TMEM135: variants seen among roughly 807,000 people sequenced by gnomAD.
The protein encoded by TMEM135 is transmembrane protein 135, also known as peroxisomal membrane protein 52.
TMEM135 carries 30 observed loss-of-function variants against 60.3 expected under a neutral mutation model. The ratio of observed to expected loss-of-function variants is 0.50; its 90% CI spans 0.37 to 0.68. The LOEUF (loss-of-function observed/expected upper bound fraction) is 0.68, where lower values mean the gene tolerates loss of function less well. Among genes scored for constraint, TMEM135 ranks in the 30% least tolerant of loss-of-function variants. The pLI is 0.00. For missense variants in TMEM135, 468 were observed against 548.8 expected, an observed-to-expected ratio of 0.85 and a Z score of 1.47; for synonymous variants, 190 against 186.7, an observed-to-expected ratio of 1.02 and a Z score of -0.14.
At chr11:87,091,261 A>C in intron 3 of TMEM135, 101 bp from the exon 4 acceptor site, 1 of 1,101,180 alleles carries the variant, frequency 9.1e-7, no homozygotes, top group Non-Finnish European at 1.3e-6. Context: ...ACGTTTCTCA[A>C]TTTCTGAGAA....
At chr11:87,209,045 G>A (rs546367452) in intron 5 of TMEM135, among the ~76,000 whole-genome samples, 10 of 152,102 alleles carry the variant, frequency 6.6e-5, no homozygotes, top group African/African-American at 2.2e-4. Flanking sequence ...AGATCTGCAC[G>A]ATCTCCTAGA....
intron 1 of TMEM135, among the ~76,000 whole-genome samples, chr11:87,053,566 A>C (rs1419154239): frequency 1.3e-5 from 2 of 152,156 alleles, no homozygotes; most frequent in African/African-American, 2.4e-5. Context: ...TTTTGAAGAA[A>C]GTCTTTTTAA....
At chr11:87,181,989 G>A (rs1939527690) in intron 5 of TMEM135, among the ~76,000 whole-genome samples, 1 of 150,944 alleles carries the variant, frequency 6.6e-6, no homozygotes, top group African/African-American at 2.4e-5. Context: ...TTTTCATGGA[G>A]TGTATTTGAA....
chr11:87,191,316 C>T (rs1156402043), intron 5 of TMEM135, among the ~76,000 whole-genome samples: 1 of 152,048 alleles, frequency 6.6e-6, no homozygotes, highest in Non-Finnish European at 1.5e-5. Context: ...TCTCGGCTCA[C>T]TGCAAGCTCC....
chr11:87,293,902 G>A (rs1264915556), intron 6 of TMEM135, among the ~76,000 whole-genome samples: 2 of 152,176 alleles, frequency 1.3e-5, no homozygotes, highest in Admixed American at 1.3e-4. Flanking sequence ...AGGTCAAATG[G>A]TATTTCTGGT....
intron 6 of TMEM135, among the ~76,000 whole-genome samples, chr11:87,276,431 C>G (rs1256094646): frequency 1.3e-5 from 2 of 151,970 alleles, no homozygotes; most frequent in East Asian, 3.9e-4. Context: ...CATCAAAGCT[C>G]TGATCAGGTC....
At chr11:87,208,585 A>AT (rs939313958) in intron 5 of TMEM135, among the ~76,000 whole-genome samples, 3 of 152,228 alleles carry the variant, frequency 2.0e-5, no homozygotes, top group African/African-American at 7.2e-5. Flanking sequence ...CCTACAACTC[A>AT]TTGGCATTCC....
At chr11:87,099,027 G>A (rs1439147334) in intron 4 of TMEM135, among the ~76,000 whole-genome samples, 1 of 152,042 alleles carries the variant, frequency 6.6e-6, no homozygotes, top group Non-Finnish European at 1.5e-5. Flanking sequence ...TTGTTGTGCT[G>A]CTTTTCTTAT....
At chr11:87,124,250 A>G (rs1470373611) in intron 4 of TMEM135, among the ~76,000 whole-genome samples, 1 of 152,212 alleles carries the variant, frequency 6.6e-6, no homozygotes, top group Non-Finnish European at 1.5e-5. Flanking sequence ...GAAGTTCTAA[A>G]GAGTCGAGTC....
chr11:87,225,665 C>G (rs1349653429), intron 5 of TMEM135, among the ~76,000 whole-genome samples: 1 of 151,904 alleles, frequency 6.6e-6, no homozygotes, highest in Non-Finnish European at 1.5e-5. Flanking sequence ...GGGGATTACT[C>G]CTACTTTGGA....
rs1231749771 is a variant in TMEM135, at chr11:87,323,029, A to G, written c.*1696A>G. 3 of 454,356 alleles carry G rather than the reference A, an allele frequency of 6.6e-6. No individual in the cohort carries two copies. The highest frequency in any genetic ancestry group is 1.3e-5 in the Non-Finnish European group (3 of 226,700). The allele number at this position is 454,356 out of a possible 1,614,324, so 28.1% of individuals were successfully genotyped here. On this transcript the variant is annotated 3_prime_UTR_variant, in exon 15 of 15. Coordinates refer to ENST00000305494, the MANE Select transcript of TMEM135 (RefSeq NM_022918.4). Reference sequence around the variant, plus strand: ...GAAGTACTAAAGCCCTGAGAACTGCACCTCATTTTCTTTATCCAGAAATTG... The same window carrying G: ...GAAGTACTAAAGCCCTGAGAACTGCGCCTCATTTTCTTTATCCAGAAATTG...
intron 5 of TMEM135, among the ~76,000 whole-genome samples, chr11:87,220,195 A>G (rs76810357): frequency 6.6e-6 from 1 of 152,346 alleles, no homozygotes; most frequent in East Asian, 1.9e-4. Context: ...ACACTGAGAT[A>G]TTGTATACCA....
chr11:87,293,823 C>A (rs559033650), intron 6 of TMEM135, among the ~76,000 whole-genome samples: 1 of 152,130 alleles, frequency 6.6e-6, no homozygotes. Context: ...ATAAACATAA[C>A]GTGTGCATGT....
At chr11:87,197,791 T>A (rs1218753284) in intron 5 of TMEM135, among the ~76,000 whole-genome samples, 1 of 152,144 alleles carries the variant, frequency 6.6e-6, no homozygotes, top group Non-Finnish European at 1.5e-5. Flanking sequence ...CTACTTAGAA[T>A]GAAAAAGTTA....
At chr11:87,194,243 T>C (rs1043303907) in intron 5 of TMEM135, among the ~76,000 whole-genome samples, 2 of 152,200 alleles carry the variant, frequency 1.3e-5, no homozygotes, top group Admixed American at 1.3e-4. Context: ...CTGGGAAAGC[T>C]GCTGTTTCTT....
At chr11:87,116,636 C>A (rs921284367) in intron 4 of TMEM135, among the ~76,000 whole-genome samples, 5 of 131,192 alleles carry the variant, frequency 3.8e-5, no homozygotes, top group African/African-American at 1.4e-4. Flanking sequence ...CACATACACA[C>A]ACACACACAC....
At position 87,281,621 on chromosome 11, in the gene TMEM135, G is replaced by A. The variant is rs147947551; in HGVS notation, c.510-14161G>A. The stretch of plus-strand genomic sequence containing the variant: ...CAACAATTATATACTTGGCGTGTAT[G>A]GTAGACTGTGTTATTGTTCAAAAAC... On this transcript the variant is annotated intron_variant, in intron 6 of 14. Coordinates refer to ENST00000305494, the MANE Select transcript of TMEM135 (RefSeq NM_022918.4). Among the ~76,000 whole-genome samples, 213 of 152,300 alleles carry A rather than the reference G, an allele frequency of 1.4e-3. 1 individual carries two copies. The highest frequency in any genetic ancestry group is 4.9e-3 in the African/African-American group (202 of 41,572).
At chr11:87,079,189 A>G (rs1024507277) in intron 3 of TMEM135, among the ~76,000 whole-genome samples, 4 of 151,738 alleles carry the variant, frequency 2.6e-5, no homozygotes, top group Non-Finnish European at 4.4e-5. Flanking sequence ...TATTTCTAGT[A>G]TTGATGGGGT....
At chr11:87,058,327 T>C (rs1949912927) in intron 1 of TMEM135, among the ~76,000 whole-genome samples, 1 of 73,440 alleles carries the variant, frequency 1.4e-5, no homozygotes, top group Non-Finnish European at 2.3e-5. Context: ...TCTGCCTCCT[T>C]TATTATTATT....
Sources: allele counts gnomAD v4.1 joint callset (sites outside exome capture counted in the v4.1 genomes callset), GRCh38; gene constraint gnomAD v4.1.1; transcripts MANE v1.5; gene names NCBI Gene and HGNC (gene_info 2026-07-23, HGNC 2026-07-21).